The following ZNF512 variants were observed in gnomAD, a reference collection of about 807,000 sequenced individuals.
ZNF512 encodes the protein zinc finger protein 512.
A neutral mutation model predicts 77.5 loss-of-function variants in ZNF512; 25 were observed. The ratio of observed to expected loss-of-function variants is 0.32; its 90% confidence interval spans 0.23 to 0.45. ZNF512 has a LOEUF of 0.45. ZNF512 is among the 20% of genes least tolerant of loss of function. The probability of loss-of-function intolerance (pLI) is 1.00; values close to 1 mark genes in which losing one functional copy is unlikely to be tolerated. For synonymous variants in ZNF512, 246 were observed against 239.9 expected (o/e 1.03, Z -0.24); for missense variants, 483 against 692.6 (o/e 0.70, Z 3.40).
chr2:27,606,286 G>GTTTTA (rs5830045), intron 9 of ZNF512, among the ~76,000 whole-genome samples: 1 of 150,928 alleles, frequency 6.6e-6, no homozygotes, highest in South Asian at 2.1e-4. Flanking sequence ...TTTTGATATA[G>GTTTTA]TTTATGTATT....
At chr2:27,611,395 G>C (rs1460719008) in intron 10 of ZNF512, among the ~76,000 whole-genome samples, 2 of 152,074 alleles carry the variant, frequency 1.3e-5, no homozygotes, top group Non-Finnish European at 2.9e-5. Flanking sequence ...ACTTTCTCAA[G>C]ATTAGGTTGA....
At chr2:27,595,752 C>A (rs539958494) in intron 2 of ZNF512, among the ~76,000 whole-genome samples, 1 of 152,268 alleles carries the variant, frequency 6.6e-6, no homozygotes, top group East Asian at 1.9e-4. Flanking sequence ...TCTAAGATTT[C>A]ATTTGGTTCT....
In ZNF512 at chr2:27,600,704, G is replaced by A. The variant is rs1196367633; in HGVS notation, c.471G>A (p.Glu157=). 1.2e-6 allele frequency: 2 copies of A among 1,613,780 alleles called. No homozygotes were observed. The highest frequency in any genetic ancestry group is 8.5e-7 in the Non-Finnish European group (1 of 1,179,804). ...PPVYAAGSLE[E]QWYLEIVDKG... is the part of the protein sequence containing the mutation. ...TCTCCTTTGTAGGCAGTTTGGAGGA[G>A]CAATGGTACTTAGAAATCGTTGATA... Residue 157 remains glutamate (E), a synonymous_variant, in exon 6 of 14, where the codon GAG becomes GAA. Transcript: ENST00000355467.
At chr2:27,616,351 T>G (rs1672878830) in intron 12 of ZNF512, 27 bp downstream of exon 12, 1 of 1,571,600 alleles carries the variant, frequency 6.4e-7, no homozygotes, top group Non-Finnish European at 8.8e-7. Context: ...ACTTACTATC[T>G]TAACATGTCC....
At chr2:27,583,250 C>T in intron 1 of ZNF512, 108 bp downstream of exon 1, 2 of 1,508,676 alleles carry the variant, frequency 1.3e-6, no homozygotes, top group Non-Finnish European at 9.2e-7. Context: ...CAGAGGCCAT[C>T]GTAGGCCCCA....
intron 2 of ZNF512, among the ~76,000 whole-genome samples, chr2:27,592,769 T>C (rs1244031833): frequency 7.6e-6 from 1 of 132,140 alleles, no homozygotes; most frequent in Non-Finnish European, 1.6e-5. Flanking sequence ...CACCACAACC[T>C]CTGCCTCCCA....
At chr2:27,620,410 T>C (rs1673065943) in intron 13 of ZNF512, among the ~76,000 whole-genome samples, 1 of 152,224 alleles carries the variant, frequency 6.6e-6, no homozygotes, top group Non-Finnish European at 1.5e-5. Context: ...GTCACATACA[T>C]GTACCCACAT....
intron 2 of ZNF512, among the ~76,000 whole-genome samples, chr2:27,590,768 G>C (rs1400558006): frequency 1.3e-5 from 2 of 152,010 alleles, no homozygotes; most frequent in East Asian, 3.9e-4. Context: ...TCCCACCTCA[G>C]CCTCCCAAGT....
At chr2:27,584,306 T>C (rs537946514) in intron 2 of ZNF512, among the ~76,000 whole-genome samples, 2 of 152,338 alleles carry the variant, frequency 1.3e-5, no homozygotes, top group East Asian at 1.9e-4. Flanking sequence ...ATGATAAAAA[T>C]GGCCGTAAGA....
In ZNF512 at chr2:27,607,855, T is replaced by C; in HGVS notation, c.947T>C (p.Phe316Ser). ...GTCTCATTCTTGCAGATATCCTTCT[T>C]TCCAGAGTCAGGACAGCCAGAGTGC... ...LRSEHGPISF[F>S]PESGQPECLK... Residue 316 changes from phenylalanine (F) to serine (S), a missense_variant, in exon 10 of 14, where the codon TTT becomes TCT. Phe to Ser is a radical substitution (Grantham distance 155). This residue lies in a region of ZNF512 where 324 missense variants were observed against 525.0 expected (regional missense o/e 0.62). Coordinates refer to ENST00000355467, the MANE Select transcript of ZNF512 (RefSeq NM_032434.4). The C allele has an allele frequency of 6.2e-7, 1 of 1,614,116 alleles. No homozygotes were observed. The highest frequency in any genetic ancestry group is 8.5e-7 in the Non-Finnish European group (1 of 1,180,008).
In ZNF512 at chr2:27,618,013, C is replaced by T. The variant is rs984628290; in HGVS notation, c.1395+442C>T. On this transcript the variant is annotated intron_variant, in intron 13 of 13. Transcript: ENST00000355467. Reference sequence around the variant, plus strand: ...GCCCAATCTGGAGGGCTCACTGCAACCTCCACCTCTCGGGTTCAAGCAATA... The same window carrying T: ...GCCCAATCTGGAGGGCTCACTGCAATCTCCACCTCTCGGGTTCAAGCAATA... Among the ~76,000 whole-genome samples, 14 of 149,972 alleles carry T rather than the reference C, an allele frequency of 9.3e-5. No homozygotes were observed. The Admixed American group carries it at 9.4e-4, about 10-fold the overall frequency.
At chr2:27,593,545 A>G (rs1671700764) in intron 2 of ZNF512, among the ~76,000 whole-genome samples, 1 of 152,192 alleles carries the variant, frequency 6.6e-6, no homozygotes, top group Non-Finnish European at 1.5e-5. Flanking sequence ...CACTTGAGCC[A>G]GAGAGGTCCA....
At chr2:27,585,287 T>C (rs6734059) in intron 2 of ZNF512, among the ~76,000 whole-genome samples, 32,652 of 152,200 alleles carry the variant, frequency 0.21, 3,715 homozygotes, top group East Asian at 0.36. Context: ...AATTGGGAAT[T>C]ATCAGCTATA....
In ZNF512 at chr2:27,593,444, C is replaced by T. The variant is rs201320271; in HGVS notation, c.90-4623C>T. Among the ~76,000 whole-genome samples, 16 of 149,880 alleles carry T rather than the reference C, an allele frequency of 1.1e-4. No homozygotes were observed. In the East Asian group the frequency reaches 3.1e-3, roughly 29 times the overall value. ...GACCAGCCTGGGCAACATAGCAAGA[C>T]CCTGTCTCTATGAAAAAACACAAAA... On this transcript the variant is annotated intron_variant, in intron 2 of 13. Transcript: ENST00000355467.
In ZNF512 at chr2:27,599,637, A is replaced by C. The variant is rs1245158680; in HGVS notation, c.332A>C (p.Glu111Ala). 1.3e-5 allele frequency: 21 copies of C among 1,614,086 alleles called. No individual in the cohort carries two copies. Among genetic ancestry groups the C allele is most frequent in the Non-Finnish European group, 1.7e-5 (20 of 1,180,026 alleles). ...AGGAAACCCAGGCAGGAAGAAGATG[A>C]AGACTATCGAGAATTTCCTCAGAAG... The part of the protein sequence containing the change: ...GKRKPRQEED[E>A]DYREFPQKKH... The change falls in exon 4 of 14, where the codon GAA becomes GCA. Residue 111 changes from glutamate to alanine, a missense_variant. Glu to Ala is a moderately radical substitution (Grantham distance 107). Around this residue, in one of 2 missense-constraint regions of ZNF512, gnomAD observed 159 missense variants for 167.5 expected, o/e 0.95. Transcript: ENST00000355467.
At chr2:27,592,564 C>A (rs1356358861) in intron 2 of ZNF512, among the ~76,000 whole-genome samples, 1 of 151,832 alleles carries the variant, frequency 6.6e-6, no homozygotes, top group Non-Finnish European at 1.5e-5. Context: ...ATCTGCCTGC[C>A]TTGGCCTCCC....
chr2:27,621,758 A>C lies in ZNF512; in HGVS notation c.*297A>C. On this transcript the variant is annotated 3_prime_UTR_variant, in exon 14 of 14. Coordinates refer to ENST00000355467, the MANE Select transcript of ZNF512 (RefSeq NM_032434.4). ...CTCTTGCCCTGTACAAAACTAAGAA[A>C]CCTCTTTGGTTGTCCTTTCCTTCCT... 1 of 234,936 alleles carries C rather than the reference A, an allele frequency of 4.3e-6. No individual in the cohort carries two copies. Among genetic ancestry groups the C allele is most frequent in the South Asian group, 8.6e-5 (1 of 11,642 alleles). 14.6% of individuals were successfully genotyped at this position (234,936 alleles called of 1,614,324 possible). A position where few individuals can be genotyped will look rare whatever the true frequency, so the allele number is the denominator to read the frequency against.
intron 9 of ZNF512, among the ~76,000 whole-genome samples, chr2:27,607,035 A>G (rs1672397758): frequency 6.6e-6 from 1 of 151,788 alleles, no homozygotes. Context: ...CATGCTTTGA[A>G]TCTCTCCTGC....
intron 7 of ZNF512, 74 bp from the exon 8 acceptor site, chr2:27,602,389 C>T (rs754569388): frequency 7.6e-6 from 11 of 1,443,212 alleles, no homozygotes; most frequent in Non-Finnish European, 1.0e-5. Flanking sequence ...CCTTGATTCT[C>T]CTCTGATATT....
Sources: gnomAD v4.1 joint callset for allele counts (sites outside exome capture counted in the v4.1 genomes callset) on GRCh38, gnomAD v4.1.1 for gene constraint, gnomAD v4.1.1 regional missense constraint, MANE v1.5 for transcripts, NCBI Gene and HGNC (gene_info 2026-07-23, HGNC 2026-07-21) for gene names.